NMNAT2: variants seen among roughly 807,000 people sequenced by gnomAD.
NMNAT2 encodes nicotinamide/nicotinic acid mononucleotide adenylyltransferase 2.
Under a neutral mutation model 41.6 loss-of-function variants are expected in NMNAT2, and 11 were observed. The observed-to-expected ratio is 0.26, with a 90% CI of 0.17 to 0.44. The LOEUF (loss-of-function observed/expected upper bound fraction) is 0.44. Among genes scored for constraint, NMNAT2 ranks in the 20% least tolerant of loss-of-function variants. The probability of loss-of-function intolerance (pLI) is 1.00; values close to 1 mark genes in which losing one functional copy is unlikely to be tolerated. For missense variants in NMNAT2, 288 were observed against 407.7 expected (o/e 0.71, Z 2.53); for synonymous variants, 148 against 151.2 (o/e 0.98, Z 0.16).
chr1:183,386,190 G>A (rs1648236758), intron 1 of NMNAT2, among the ~76,000 whole-genome samples: 4 of 151,972 alleles, frequency 2.6e-5, no homozygotes, highest in African/African-American at 7.3e-5. Flanking sequence ...TATCCACTTC[G>A]AGAAGATTAA....
At chr1:183,310,623 G>A (rs1442408316) in intron 1 of NMNAT2, among the ~76,000 whole-genome samples, 1 of 152,172 alleles carries the variant, frequency 6.6e-6, no homozygotes, top group Non-Finnish European at 1.5e-5. Context: ...TGTCACAATT[G>A]TAAGAAGAAA....
intron 1 of NMNAT2, among the ~76,000 whole-genome samples, chr1:183,338,061 C>G (rs1306009422): frequency 1.3e-5 from 2 of 150,090 alleles, no homozygotes; most frequent in Non-Finnish European, 2.9e-5. Context: ...TGTTGCCAGG[C>G]ACACTGACCT....
chr1:183,389,746 AAG>A (rs1648384733), intron 1 of NMNAT2, among the ~76,000 whole-genome samples: 2 of 9,054 alleles, frequency 2.2e-4, no homozygotes, highest in South Asian at 4.4e-3. Flanking sequence ...AAAAGAAAGA[AAG>A]AAAGAAAGAA....
chr1:183,297,660 C>T (rs530561816), intron 1 of NMNAT2, among the ~76,000 whole-genome samples: 63 of 152,204 alleles, frequency 4.1e-4, no homozygotes, highest in African/African-American at 1.5e-3. Flanking sequence ...GGATTACAGG[C>T]GTGAGCCACC....
chr1:183,267,463 G>T (rs1660847202), intron 8 of NMNAT2, among the ~76,000 whole-genome samples: 1 of 152,142 alleles, frequency 6.6e-6, no homozygotes, highest in African/African-American at 2.4e-5. Context: ...TTTGGGAATT[G>T]TTGCTTTAAA....
rs60722177 is a variant in NMNAT2, at chr1:183,362,554, G to A, written c.85+55629C>T. Among the ~76,000 whole-genome samples the A allele has an allele frequency of 1.1e-3, 175 of 152,176 alleles. 2 individuals carry two copies. In the East Asian group the frequency reaches 0.026, roughly 23 times the overall value. ...GACGTTTTGTGACTGGCTTTTTTCCGTTAACAAAATGCTTTCAAGGTTCAT... is the reference window on the plus strand; with the variant it reads ...GACGTTTTGTGACTGGCTTTTTTCCATTAACAAAATGCTTTCAAGGTTCAT... On this transcript the variant is annotated intron_variant, in intron 1 of 10. Transcript: ENST00000287713.
intron 1 of NMNAT2, among the ~76,000 whole-genome samples, chr1:183,337,678 G>T (rs1662705585): frequency 6.6e-6 from 1 of 151,828 alleles, no homozygotes; most frequent in African/African-American, 2.4e-5. Flanking sequence ...ATGCACCAAG[G>T]ATTCAGCCGA....
chr1:183,288,169 G>A (rs1571575417), intron 4 of NMNAT2, among the ~76,000 whole-genome samples: 3 of 152,158 alleles, frequency 2.0e-5, no homozygotes, highest in East Asian at 1.9e-4. Context: ...ACTGTGGGTC[G>A]CATTTGACTT....
At chr1:183,258,500 A>G (rs2102278132) in intron 10 of NMNAT2, among the ~76,000 whole-genome samples, 1 of 152,330 alleles carries the variant, frequency 6.6e-6, no homozygotes, top group Admixed American at 6.5e-5. Flanking sequence ...AACTTAGTTT[A>G]TAGTTTATAG....
At position 183,290,308 on chromosome 1, in the gene NMNAT2, C is replaced by A. The variant is rs544990346; in HGVS notation, c.243-102G>T. On this transcript the variant is annotated intron_variant, in intron 3 of 10. Transcript: ENST00000287713. ...AGCTCAGGAAGCATGGCAGATCTGG[C>A]CATACCATGCGCTTAGATCTTGAAT... The A allele has an allele frequency of 3.5e-6, 3 of 865,330 alleles. 1 individual carries two copies. The highest frequency in any genetic ancestry group is 3.4e-5 in the South Asian group (2 of 59,456). The allele number at this position is 865,330 out of a possible 1,614,324, so 53.6% of individuals were successfully genotyped here. A position where few individuals can be genotyped will look rare whatever the true frequency, so the allele number is the denominator to read the frequency against.
At chr1:183,326,323 C>A (rs533058263) in intron 1 of NMNAT2, among the ~76,000 whole-genome samples, 1 of 123,358 alleles carries the variant, frequency 8.1e-6, no homozygotes, top group South Asian at 2.8e-4. Flanking sequence ...TTGTAGTGGG[C>A]TGAGATCACA....
intron 1 of NMNAT2, among the ~76,000 whole-genome samples, chr1:183,352,905 A>G (rs143125778): frequency 3.1e-4 from 47 of 152,296 alleles, no homozygotes; most frequent in African/African-American, 1.0e-3. Context: ...GCTGAGATGA[A>G]GTGCTAAGGG....
intron 1 of NMNAT2, among the ~76,000 whole-genome samples, chr1:183,397,448 A>T (rs1168239916): frequency 6.6e-6 from 1 of 152,188 alleles, no homozygotes; most frequent in Non-Finnish European, 1.5e-5. Context: ...TGGTGTGCCT[A>T]AAAGTGATGG....
At chr1:183,319,009 T>C (rs1662308358) in intron 1 of NMNAT2, among the ~76,000 whole-genome samples, 1 of 152,238 alleles carries the variant, frequency 6.6e-6, no homozygotes, top group Non-Finnish European at 1.5e-5. Flanking sequence ...TCAGAGCCCC[T>C]GCATTCTCCT....
chr1:183,369,526 C>T (rs909685608), intron 1 of NMNAT2, among the ~76,000 whole-genome samples: 12 of 152,218 alleles, frequency 7.9e-5, no homozygotes, highest in Admixed American at 5.2e-4. Flanking sequence ...ATCCACCTGC[C>T]TCGGCCTCCC....
chr1:183,400,793 G>A (rs990472900), intron 1 of NMNAT2, among the ~76,000 whole-genome samples: 14 of 152,256 alleles, frequency 9.2e-5, no homozygotes, highest in South Asian at 6.2e-4. Context: ...TGACAAACCT[G>A]ACAAAAACAA....
intron 1 of NMNAT2, among the ~76,000 whole-genome samples, chr1:183,371,812 C>T (rs185825622): frequency 2.0e-5 from 3 of 152,184 alleles, no homozygotes; most frequent in Non-Finnish European, 4.4e-5. Context: ...CAGGGTCTTG[C>T]TCTGTCACCC....
At chr1:183,256,803 G>A (rs1313007950) in intron 10 of NMNAT2, among the ~76,000 whole-genome samples, 4 of 152,142 alleles carry the variant, frequency 2.6e-5, no homozygotes, top group Non-Finnish European at 4.4e-5. Context: ...AGGCTGGAGT[G>A]CAGCAGCGCA....
rs1280235639 is a variant in NMNAT2, at chr1:183,286,699, A to C, written c.411T>G (p.Ile137Met). Residue 137 changes from isoleucine (I) to methionine (M), a missense_variant, in exon 5 of 11, where the codon ATT becomes ATG. Coordinates refer to ENST00000287713, the MANE Select transcript of NMNAT2 (RefSeq NM_015039.4). ...TGGTGGCCACGTTGCTGTTCTGGTA[A>C]ATGGGCTGGGGGGTCTCGTTTTGTG... ...GQPQNETPQP[I>M]YQNSNVATKP... 6.2e-7 allele frequency: 1 copy of C among 1,612,014 alleles called. No individual in the cohort carries two copies. The highest frequency in any genetic ancestry group is 8.5e-7 in the Non-Finnish European group (1 of 1,179,130).
Sources: allele counts gnomAD v4.1 joint callset (sites outside exome capture counted in the v4.1 genomes callset), GRCh38; gene constraint gnomAD v4.1.1; transcripts MANE v1.5; gene names NCBI Gene and HGNC (gene_info 2026-07-23, HGNC 2026-07-21).